The following ALG8 variants were observed in gnomAD, a reference collection of about 807,000 sequenced individuals.
The protein encoded by ALG8 is ALG8 alpha-1,3-glucosyltransferase.
ALG8 carries 48 observed loss-of-function variants against 70.2 expected under a neutral mutation model. That is an observed-to-expected ratio of 0.68 (90% CI 0.54 to 0.87). The LOEUF (loss-of-function observed/expected upper bound fraction) is 0.87. Ranked by LOEUF, ALG8 falls within the 40% of genes least tolerant of loss-of-function variation. The pLI is 0.00. For missense variants in ALG8, 572 were observed against 608.7 expected, an observed-to-expected ratio of 0.94 and a Z score of 0.64; for synonymous variants, 234 against 229.0, an observed-to-expected ratio of 1.02 and a Z score of -0.20.
chr11:78,131,694 A>G (rs685055), intron 1 of ALG8, among the ~76,000 whole-genome samples: 33,113 of 151,976 alleles, frequency 0.22, 4,454 homozygotes, highest in African/African-American at 0.38. Flanking sequence ...CCAAACTCCC[A>G]AGCTCAAGCA....
intron 1 of ALG8, among the ~76,000 whole-genome samples, chr11:78,130,361 A>AAAAGAAAAGAAAAGAAAAGAAAG (rs1555073942): frequency 1.5e-5 from 2 of 132,636 alleles, no homozygotes; most frequent in South Asian, 2.3e-4. Context: ...AAAAAAAAAA[A>AAAAGAAAAGAAAAGAAAAGAAAG]AAAAAAGGTG....
chr11:78,121,968 G>A (rs560595684), intron 3 of ALG8, among the ~76,000 whole-genome samples: 165 of 152,184 alleles, frequency 1.1e-3, no homozygotes, highest in Non-Finnish European at 1.9e-3. Context: ...AATTATATTC[G>A]AACACAGAAA....
intron 9 of ALG8, among the ~76,000 whole-genome samples, chr11:78,107,351 G>C (rs1051294955): frequency 6.7e-6 from 1 of 148,664 alleles, no homozygotes; most frequent in Non-Finnish European, 1.5e-5. Context: ...CTCCCAAGTA[G>C]CTGGGATTAC....
chr11:78,114,498 A>C (rs1565350891), intron 5 of ALG8, 106 bp from the exon 6 acceptor site: 1 of 1,349,020 alleles, frequency 7.4e-7, no homozygotes. Flanking sequence ...ACATTAAAGG[A>C]AAAACGGGTG....
At chr11:78,131,914 G>GT (rs1160486140) in intron 1 of ALG8, among the ~76,000 whole-genome samples, 3 of 152,314 alleles carry the variant, frequency 2.0e-5, no homozygotes, top group Admixed American at 1.3e-4. Flanking sequence ...AATCACGAAT[G>GT]TTATATTTCC....
intron 1 of ALG8, chr11:78,138,751 C>G (rs114764861): frequency 4.4e-6 from 2 of 456,236 alleles, no homozygotes; most frequent in South Asian, 1.5e-5. Flanking sequence ...TTGGTTTCCA[C>G]GCTTTCAGTC....
rs1860322694 is a variant in ALG8, at chr11:78,112,284, T to C, written c.898+366A>G. 3 of 318,384 alleles carry C rather than the reference T, an allele frequency of 9.4e-6. 1 individual carries two copies. The highest frequency in any genetic ancestry group is 4.3e-5 in the Admixed American group (1 of 23,444). The allele number at this position is 318,384 out of a possible 1,614,324, so 19.7% of individuals were successfully genotyped here. ...GACAGTGAGACCCTGTCTCTAAAAATAAGTAGGGGTTTGAATAGGAATGGT... is the reference window on the plus strand; with the variant it reads ...GACAGTGAGACCCTGTCTCTAAAAACAAGTAGGGGTTTGAATAGGAATGGT... On this transcript the variant is annotated intron_variant, in intron 8 of 12. Coordinates refer to ENST00000299626, the MANE Select transcript of ALG8 (RefSeq NM_024079.5).
intron 1 of ALG8, 100 bp downstream of exon 1, chr11:78,139,394 A>C (rs1003972168): frequency 8.3e-7 from 1 of 1,208,586 alleles, no homozygotes; most frequent in South Asian, 1.3e-5. Flanking sequence ...ACACGACCTA[A>C]AGTTTTCTCT....
chr11:78,102,965 AAAAAT>A, intron 12 of ALG8: 1 of 161,432 alleles, frequency 6.2e-6, no homozygotes, highest in Admixed American at 6.3e-5. Context: ...AAAAAAAAAA[AAAAAT>A]TATAGTTAAC....
At chr11:78,103,650 T>C (rs1189743834) in intron 12 of ALG8, among the ~76,000 whole-genome samples, 3 of 152,102 alleles carry the variant, frequency 2.0e-5, no homozygotes, top group African/African-American at 7.2e-5. Flanking sequence ...CAAAAAAAAT[T>C]TGTACATAGT....
intron 5 of ALG8, among the ~76,000 whole-genome samples, chr11:78,117,205 TAGG>T (rs1227097815): frequency 6.6e-6 from 1 of 152,130 alleles, no homozygotes; most frequent in East Asian, 1.9e-4. Context: ...AAAATGAGGC[TAGG>T]AGGGTTAAAT....
intron 1 of ALG8, chr11:78,139,125 C>G (rs1203407810): frequency 8.1e-6 from 3 of 368,268 alleles, no homozygotes; most frequent in Non-Finnish European, 1.5e-5. Flanking sequence ...GGGCAAGGAC[C>G]AGCAATGTCT....
chr11:78,107,290 G>A (rs1021627419), intron 9 of ALG8, among the ~76,000 whole-genome samples: 1 of 147,836 alleles, frequency 6.8e-6, no homozygotes, highest in East Asian at 2.0e-4. Flanking sequence ...GTGCGATCTC[G>A]GCTCACTGCA....
chr11:78,125,717 A>G (rs939579527), intron 2 of ALG8, among the ~76,000 whole-genome samples: 1 of 151,656 alleles, frequency 6.6e-6, no homozygotes, highest in African/African-American at 2.4e-5. Flanking sequence ...TAAAGGCAGG[A>G]GAATCACTTG....
chr11:78,109,387 A>T, intron 9 of ALG8, 55 bp downstream of exon 9: 1 of 1,610,726 alleles, frequency 6.2e-7, no homozygotes, highest in Middle Eastern at 1.7e-4. Context: ...AATCAGCCAG[A>T]CAAAAGAAAA....
intron 8 of ALG8, among the ~76,000 whole-genome samples, chr11:78,111,961 C>A (rs1565348678): frequency 6.6e-6 from 1 of 152,034 alleles, no homozygotes; most frequent in Non-Finnish European, 1.5e-5. Context: ...ATTCTTCTTT[C>A]TTGTATGTTT....
intron 1 of ALG8, among the ~76,000 whole-genome samples, chr11:78,128,721 C>G (rs1293679045): frequency 3.3e-5 from 5 of 151,962 alleles, no homozygotes; most frequent in African/African-American, 4.8e-5. Context: ...AACGACTCCC[C>G]TGCCCCAGCC....
chr11:78,122,300 T>C (rs983228195), intron 3 of ALG8, among the ~76,000 whole-genome samples: 2 of 152,084 alleles, frequency 1.3e-5, no homozygotes, highest in Non-Finnish European at 2.9e-5. Flanking sequence ...GTTAATAATC[T>C]GTATATCATG....
chr11:78,104,185 G>A (rs1172664994), intron 11 of ALG8, 133 bp from the exon 12 acceptor site: 1 of 915,178 alleles, frequency 1.1e-6, no homozygotes, highest in Non-Finnish European at 1.6e-6. Context: ...TTACATTTTT[G>A]TGACATCTAG....
Sources: allele counts gnomAD v4.1 joint callset (sites outside exome capture counted in the v4.1 genomes callset), GRCh38; gene constraint gnomAD v4.1.1; transcripts MANE v1.5; gene names NCBI Gene and HGNC (gene_info 2026-07-23, HGNC 2026-07-21).